Variants in RNF130 observed in about 807,000 individuals in gnomAD.
The protein encoded by RNF130 is ring finger protein 130.
Under a neutral mutation model 44.6 loss-of-function variants are expected in RNF130, and 21 were observed. The ratio of observed to expected loss-of-function variants is 0.47; its 90% CI spans 0.33 to 0.68. The LOEUF (loss-of-function observed/expected upper bound fraction) is 0.68. RNF130 is among the 30% of genes least tolerant of loss of function. RNF130 has a pLI of 0.02. For synonymous variants in RNF130, 214 were observed against 210.4 expected (o/e 1.02, Z -0.15); for missense variants, 479 against 560.6 (o/e 0.85, Z 1.47).
In RNF130 at chr5:179,963,427, G is replaced by C. The variant is rs143173351; in HGVS notation, c.1244+44C>G. On this transcript the variant is annotated intron_variant, in intron 8 of 8. Coordinates refer to ENST00000521389, the MANE Select transcript of RNF130 (RefSeq NM_018434.6). The stretch of plus-strand genomic sequence containing the variant: ...TGAAAACTGCTCCATGTGTTTTCCT[G>C]GGATCATCTGGCACATGCAATCCAA... 83 of 1,464,764 alleles carry C rather than the reference G, an allele frequency of 5.7e-5. No homozygotes were observed. The African/African-American group carries it at 1.0e-3, about 18-fold the overall frequency. The allele number at this position is 1,464,764 out of a possible 1,614,324, so 90.7% of individuals were successfully genotyped here.
intron 8 of RNF130, among the ~76,000 whole-genome samples, chr5:179,959,112 G>A (rs180902713): frequency 1.3e-5 from 2 of 152,230 alleles, no homozygotes; most frequent in East Asian, 3.9e-4. Flanking sequence ...TATTAAACCA[G>A]GCAATACGGG....
intron 7 of RNF130, among the ~76,000 whole-genome samples, chr5:179,948,414 A>C (rs151159725): frequency 0.032 from 4,875 of 152,216 alleles, 282 homozygotes; most frequent in African/African-American, 0.11. Flanking sequence ...TCATGCCTGT[A>C]ATCCCAGCAC....
chr5:179,998,857 T>TATATATATATATA (rs1554103671), intron 3 of RNF130, among the ~76,000 whole-genome samples: 3 of 65,228 alleles, frequency 4.6e-5, no homozygotes, highest in African/African-American at 1.3e-4. Context: ...ATCTAGTATT[T>TATATATATATATA]TTTATATATA....
chr5:180,027,016 T>C (rs1308295771), intron 2 of RNF130, among the ~76,000 whole-genome samples: 1 of 152,188 alleles, frequency 6.6e-6, no homozygotes, highest in African/African-American at 2.4e-5. Flanking sequence ...AGGGCAATGA[T>C]CCGGGTTTCT....
chr5:179,920,522 G>A (rs994257996), intron 7 of RNF130: 8 of 642,370 alleles, frequency 1.2e-5, no homozygotes, highest in African/African-American at 1.8e-5. Context: ...TTTGAAGCAT[G>A]ACATTTTCTT....
intron 2 of RNF130, among the ~76,000 whole-genome samples, chr5:180,013,915 T>C (rs1763654168): frequency 6.6e-6 from 1 of 152,152 alleles, no homozygotes; most frequent in Non-Finnish European, 1.5e-5. Context: ...AGCTACAAAG[T>C]GCCAAATGGT....
intron 2 of RNF130, among the ~76,000 whole-genome samples, chr5:180,037,953 A>C (rs12516762): frequency 1.3e-5 from 2 of 152,210 alleles, no homozygotes; most frequent in Admixed American, 1.3e-4. Flanking sequence ...GCATTTCTTT[A>C]ATTTGTGCTG....
intron 2 of RNF130, among the ~76,000 whole-genome samples, chr5:180,019,491 G>C (rs1763824113): frequency 6.6e-6 from 1 of 152,076 alleles, no homozygotes; most frequent in Non-Finnish European, 1.5e-5. Flanking sequence ...CTGGCTGCCT[G>C]TGTCTCAGGG....
chr5:179,940,602 TA>T (rs1319641480), intron 7 of RNF130, among the ~76,000 whole-genome samples: 1 of 152,228 alleles, frequency 6.6e-6, no homozygotes, highest in East Asian at 1.9e-4. Context: ...TTAAAAACTT[TA>T]AAAATTGAGA....
rs771626208 is a variant in RNF130 at position 180,013,320 on chromosome 5, T to C, written c.443-9A>G. 3 of 1,590,758 alleles carry C rather than the reference T, an allele frequency of 1.9e-6. No homozygotes were observed. Among genetic ancestry groups the C allele is most frequent in the African/African-American group, 1.4e-5 (1 of 73,558 alleles). ...AATAATATCTCCAGTGCCTGCAATA[T>C]AAAATAAATATATAACTCAAGTGAC... is the stretch of plus-strand genomic sequence containing the variant. On this transcript the variant is annotated splice_polypyrimidine_tract_variant and intron_variant, in intron 2 of 8. Transcript: ENST00000521389.
At chr5:179,971,349 T>C (rs1243361241) in intron 5 of RNF130, among the ~76,000 whole-genome samples, 4 of 152,088 alleles carry the variant, frequency 2.6e-5, no homozygotes, top group East Asian at 1.9e-4. Flanking sequence ...TAATCTGAGT[T>C]TGGGATAAGA....
At chr5:180,009,572 C>A (rs1763537564) in intron 3 of RNF130, among the ~76,000 whole-genome samples, 2 of 152,154 alleles carry the variant, frequency 1.3e-5, no homozygotes, top group Admixed American at 1.3e-4. Flanking sequence ...ATGAAAACAC[C>A]AAGTGCTGTC....
chr5:179,920,407 T>G lies in RNF130; in HGVS notation c.1170A>C (p.Arg390=), dbSNP rs576728249. 7.1e-6 allele frequency: 5 copies of G among 702,426 alleles called. No homozygotes were observed. The South Asian group carries it at 7.4e-5, about 10-fold the overall frequency. The allele number at this position is 702,426 out of a possible 1,614,324, so 43.5% of individuals were successfully genotyped here. ...CCAGACTCCGAGGGGACAAGGAGTTTCGATGAAAGAAGTGACCACCTGGAA... is the reference window on the plus strand; with the variant it reads ...CCAGACTCCGAGGGGACAAGGAGTTGCGATGAAAGAAGTGACCACCTGGAA... Residue 390 remains arginine (R), a synonymous_variant, in exon 8 of 8, where the codon CGA becomes CGC. Transcript: ENST00000522208.
chr5:180,016,987 G>A (rs1763752175), intron 2 of RNF130, among the ~76,000 whole-genome samples: 1 of 152,114 alleles, frequency 6.6e-6, no homozygotes, highest in South Asian at 2.1e-4. Context: ...CCATTTTCAG[G>A]TATCTGTGGT....
At chr5:179,923,351 A>G (rs1009006326) in intron 7 of RNF130, among the ~76,000 whole-genome samples, 4 of 152,170 alleles carry the variant, frequency 2.6e-5, no homozygotes, top group Non-Finnish European at 5.9e-5. Context: ...TATTGATTGT[A>G]AATGTGTGGG....
chr5:179,927,534 C>T (rs188153312), intron 7 of RNF130, among the ~76,000 whole-genome samples: 339 of 152,178 alleles, frequency 2.2e-3, no homozygotes, highest in Middle Eastern at 3.4e-3. Context: ...GTCCTCTCTC[C>T]CCCGCCAAAG....
intron 2 of RNF130, among the ~76,000 whole-genome samples, chr5:180,025,953 T>C (rs939933523): frequency 2.0e-5 from 3 of 152,212 alleles, no homozygotes; most frequent in Non-Finnish European, 4.4e-5. Flanking sequence ...TTTTTACTTG[T>C]TTTCATAAAG....
chr5:180,011,213 C>T (rs934828622), intron 3 of RNF130, among the ~76,000 whole-genome samples: 1 of 152,114 alleles, frequency 6.6e-6, no homozygotes, highest in South Asian at 2.1e-4. Context: ...TAAGAAGAGA[C>T]AACTGAATGC....
intron 3 of RNF130, among the ~76,000 whole-genome samples, chr5:180,005,194 G>A (rs1003283637): frequency 2.2e-4 from 33 of 152,156 alleles, no homozygotes; most frequent in African/African-American, 7.0e-4. Flanking sequence ...TTGGGAGGCC[G>A]AGGCGGGTGG....
Sources: gnomAD v4.1 joint callset for allele counts (sites outside exome capture counted in the v4.1 genomes callset) on GRCh38, gnomAD v4.1.1 for gene constraint, MANE v1.5 for transcripts, NCBI Gene and HGNC (gene_info 2026-07-23, HGNC 2026-07-21) for gene names.